NBPF14: variants seen among roughly 807,000 people sequenced by gnomAD.
NBPF14 encodes the protein NBPF member 14.
A neutral mutation model predicts 91.2 loss-of-function variants in NBPF14; 104 were observed. That is an observed-to-expected ratio of 1.14 (90% CI 0.97 to 1.34). NBPF14 has a LOEUF of 1.34. NBPF14 is among the 40% of genes most tolerant of loss of function. NBPF14 has a pLI of 0.00. For missense variants in NBPF14, 908 were observed against 783.0 expected, an observed-to-expected ratio of 1.16 and a Z score of -1.91; for synonymous variants, 294 against 303.8, an observed-to-expected ratio of 0.97 and a Z score of 0.34.
Position 148,557,704 on chromosome 1 carries a change from C to A in NBPF14, c.4955-162G>T, listed in dbSNP as rs1277236747. Reference sequence around the variant, plus strand: ...AGGCCTGAAAGCTGGTCATGATATTCCTTGCTTTGCATCTCAGAACCAAGG... The same window carrying A: ...AGGCCTGAAAGCTGGTCATGATATTACTTGCTTTGCATCTCAGAACCAAGG... On this transcript the variant is annotated intron_variant, in intron 39 of 70. Transcript: ENST00000619423. Among the ~76,000 whole-genome samples, 2 of 130,330 alleles carry A rather than the reference C, an allele frequency of 1.5e-5. 1 individual carries two copies. Among genetic ancestry groups the A allele is most frequent in the Non-Finnish European group, 3.1e-5 (2 of 64,652 alleles). 85.5% of individuals were successfully genotyped at this position (130,330 alleles called of 152,430 possible).
chr1:148,577,630 G>A (rs1372768506), intron 14 of NBPF14, among the ~76,000 whole-genome samples: 2 of 149,556 alleles, frequency 1.3e-5, no homozygotes, highest in Non-Finnish European at 2.9e-5. Context: ...ACACTGATGA[G>A]GGAGTCAAAG....
chr1:148,535,472 G>C (rs1189674117), exon 68 of NBPF14: 12 of 471,926 alleles, frequency 2.5e-5, no homozygotes, highest in South Asian at 6.3e-5. Context: ...GATGGGTCTT[G>C]GTCTTCTTCC....
In NBPF14 at chr1:148,533,268, T is replaced by A. The variant is rs1257312558; in HGVS notation, c.8724-20A>T. On this transcript the variant is annotated intron_variant, in intron 70 of 70. Coordinates refer to ENST00000619423, the Ensembl canonical transcript of NBPF14. Reference sequence around the variant, plus strand: ...TTGAGCCTGGAAAAGGAGACAAAACTAAAGAAGCAGCCAGGGAAAATCAGA... The same window carrying A: ...TTGAGCCTGGAAAAGGAGACAAAACAAAAGAAGCAGCCAGGGAAAATCAGA... 4 of 630,684 alleles carry A rather than the reference T, an allele frequency of 6.3e-6. No individual in the cohort carries two copies. Among genetic ancestry groups the A allele is most frequent in the Non-Finnish European group, 9.7e-6 (4 of 410,954 alleles). 39.1% of individuals were successfully genotyped at this position (630,684 alleles called of 1,614,324 possible). A position where few individuals can be genotyped will look rare whatever the true frequency, so the allele number is the denominator to read the frequency against.
intron 70 of NBPF14, among the ~76,000 whole-genome samples, chr1:148,533,599 C>A (rs1328405917): frequency 6.9e-6 from 1 of 145,970 alleles, no homozygotes; most frequent in Non-Finnish European, 1.5e-5. Context: ...AATAGTTTTC[C>A]ATAAAATATG....
chr1:148,591,103 G>C lies in NBPF14; in HGVS notation c.567-135C>G. ...AGCAAAACGGAGGTTCCCTTAAAGA[G>C]GGAACAGGCAATCCTCTTCTCTCTG... On this transcript the variant is annotated intron_variant, in intron 5 of 70. Transcript: ENST00000619423. 6 of 768,148 alleles carry C rather than the reference G, an allele frequency of 7.8e-6. No homozygotes were observed. In the Admixed American group the frequency reaches 1.2e-4, roughly 16 times the overall value. The allele number at this position is 768,148 out of a possible 1,614,324, so 47.6% of individuals were successfully genotyped here.
rs782322492 is a variant in NBPF14, at chr1:148,534,676, G to C, written c.8614+8C>G. ...GGAGGCTTATCACCTTCATAGTAAG[G>C]TACTCACTGTCCACGTCAAGAGCCA... On this transcript the variant is annotated splice_region_variant and intron_variant, in intron 69 of 70. Transcript: ENST00000619423. The C allele has an allele frequency of 6.3e-6, 5 of 798,304 alleles. No individual in the cohort carries two copies. In the South Asian group the frequency reaches 6.8e-5, roughly 11 times the overall value. 49.5% of individuals were successfully genotyped at this position (798,304 alleles called of 1,614,324 possible).
rs1204345925 is a variant in NBPF14, at chr1:148,590,381, G to A, written c.778+376C>T. Among the ~76,000 whole-genome samples the A allele has an allele frequency of 9.6e-3, 1,357 of 141,544 alleles. 104 individuals are homozygous for A. The highest frequency in any genetic ancestry group is 0.015 in the Non-Finnish European group (930 of 63,504). The allele number at this position is 141,544 out of a possible 152,430, so 92.9% of individuals were successfully genotyped here. ...CGAGACTTATTAATAGCTAAGACAA[G>A]CCAATGAAAAGGAGAGAGAGTCTAG... On this transcript the variant is annotated intron_variant, in intron 6 of 70. Transcript: ENST00000619423.
At chr1:148,534,572 C>G (rs1299503272) in intron 69 of NBPF14, 112 bp downstream of exon 69, 2 of 790,982 alleles carry the variant, frequency 2.5e-6, no homozygotes, top group African/African-American at 3.4e-5. Flanking sequence ...CCCATAGGTC[C>G]TGCCTGCGGC....
At chr1:148,590,486 G>A (rs1394415838) in intron 6 of NBPF14, among the ~76,000 whole-genome samples, 22 of 106,644 alleles carry the variant, frequency 2.1e-4, no homozygotes, top group Non-Finnish European at 4.0e-4. Flanking sequence ...TGGGACTATA[G>A]GCGTGCAGCA....
intron 39 of NBPF14, 141 bp downstream of exon 39, chr1:148,558,111 T>A: frequency 4.3e-6 from 1 of 233,062 alleles, no homozygotes; most frequent in Non-Finnish European, 7.1e-6. Context: ...GACTACAGTT[T>A]CATTACAACC....
At chr1:148,534,604 A>T in intron 69 of NBPF14, 80 bp downstream of exon 69, 1 of 902,348 alleles carries the variant, frequency 1.1e-6, no homozygotes, top group Admixed American at 1.7e-5. Context: ...TCGGGTGAGT[A>T]AGGGCCACTT....
intron 15 of NBPF14, 102 bp downstream of exon 15, chr1:148,577,081 G>A (rs1323302981): frequency 4.5e-6 from 3 of 663,154 alleles, no homozygotes; most frequent in Admixed American, 2.5e-5. Context: ...TCTCCCTGTG[G>A]CAATGACATC....
rs1343001107 is a variant in NBPF14 at position 148,577,644 on chromosome 1, ACT to A, written c.1854-291_1854-290del. ...CACACTGATGAGGGAGTCAAAGGAC[ACT>A]CTGTATTTGTGCTCTCAGGACACAC... On this transcript the variant is annotated intron_variant, in intron 14 of 70. Transcript: ENST00000619423. 5.4e-5 allele frequency among the ~76,000 whole-genome samples: 8 copies of A among 148,950 alleles called. 1 individual carries two copies. The highest frequency in any genetic ancestry group is 2.0e-4 in the African/African-American group (8 of 39,120).
At chr1:148,562,268 T>A in exon 34 of NBPF14, 1 of 163,172 alleles carries the variant, frequency 6.1e-6, no homozygotes, top group South Asian at 3.3e-5. Context: ...CTTCTTCCTC[T>A]TCTTCGTCCT....
At chr1:148,579,152 A>G in exon 13 of NBPF14, 3 of 474,424 alleles carry the variant, frequency 6.3e-6, no homozygotes, top group South Asian at 4.2e-5. Flanking sequence ...TACGAGGCCA[A>G]CATTTCAGGA....
At chr1:148,533,745 G>C in intron 70 of NBPF14, 116 bp downstream of exon 70, 2 of 757,022 alleles carry the variant, frequency 2.6e-6, no homozygotes, top group South Asian at 1.4e-5. Context: ...AGCAATGACA[G>C]TAGGAGTAAT....
chr1:148,587,295 C>G lies in NBPF14; in HGVS notation c.1091+6G>C, dbSNP rs1476844300. 5.1e-6 allele frequency: 8 copies of G among 1,578,704 alleles called. 1 individual carries two copies. The highest frequency in any genetic ancestry group is 5.2e-6 in the Non-Finnish European group (6 of 1,156,360). On this transcript the variant is annotated splice_donor_region_variant and intron_variant, in intron 8 of 70. Transcript: ENST00000619423. The stretch of plus-strand genomic sequence containing the variant: ...CCCCCTGCCTGCCCCCATGGGGTCC[C>G]CTCACCTGAGCTCCTCAGCTTGCTT...
At chr1:148,566,517 AC>A in intron 28 of NBPF14, among the ~76,000 whole-genome samples, 3 of 128,652 alleles carry the variant, frequency 2.3e-5, no homozygotes, top group South Asian at 2.4e-4. Flanking sequence ...AGACACACAC[AC>A]ACACACACAC....
chr1:148,559,551 C>A (rs1352061952), intron 37 of NBPF14, among the ~76,000 whole-genome samples: 1 of 121,592 alleles, frequency 8.2e-6, no homozygotes, highest in Non-Finnish European at 1.6e-5. Flanking sequence ...GGTCCAATGT[C>A]ATGAGAGTAG....
Sources: gnomAD v4.1 joint callset for allele counts (sites outside exome capture counted in the v4.1 genomes callset) on GRCh38, gnomAD v4.1.1 for gene constraint, MANE v1.5 for transcripts, NCBI Gene and HGNC (gene_info 2026-07-23, HGNC 2026-07-21) for gene names.